VPS51: variants seen among roughly 807,000 people sequenced by gnomAD.
The protein encoded by VPS51 is vacuolar protein sorting-associated protein 51 homolog.
VPS51 carries 55 observed loss-of-function variants against 65.1 expected under a neutral mutation model. The observed-to-expected ratio is 0.84, with a 90% confidence interval of 0.68 to 1.06. The LOEUF is 1.06. Among genes scored for constraint, VPS51 ranks in the 50% least tolerant of loss-of-function variants. The pLI, the probability that VPS51 is intolerant of heterozygous loss-of-function variation, is 0.00. For missense variants in VPS51, 943 were observed against 1,101.6 expected, an observed-to-expected ratio of 0.86 and a Z score of 2.04; for synonymous variants, 473 against 489.5, an observed-to-expected ratio of 0.97 and a Z score of 0.44.
rs1947847580 is a variant in VPS51, at chr11:65,107,164, C to G, written c.359-417C>G. ...GGTCTGGAAAGGAGATGAGGGTCAA[C>G]AAGAATGTATTGCCTCATCCAGGCA... On this transcript the variant is annotated intron_variant, in intron 2 of 9. Coordinates refer to ENST00000279281, the MANE Select transcript of VPS51 (RefSeq NM_013265.4). The surrounding 1 kb of genome is among the most constrained non-coding windows in gnomAD (Gnocchi z 4.0). The G allele has an allele frequency of 2.2e-6, 1 of 464,498 alleles. No individual in the cohort carries two copies. Among genetic ancestry groups the G allele is most frequent in the Non-Finnish European group, 4.3e-6 (1 of 232,936 alleles). 28.8% of individuals were successfully genotyped at this position (464,498 alleles called of 1,614,324 possible).
chr11:65,105,247 C>T (rs1947834111), intron 2 of VPS51, among the ~76,000 whole-genome samples: 1 of 152,030 alleles, frequency 6.6e-6, no homozygotes, highest in Admixed American at 6.6e-5. Context: ...AAAAATTAGC[C>T]AGGCATGGTG....
In VPS51 at chr11:65,109,307, G is replaced by T; in HGVS notation, c.1471G>T (p.Glu491Ter). The change falls in exon 6 of 10, where the codon GAG becomes TAG. Residue 491 changes from glutamate to a stop codon, truncating the protein, a stop_gained. Coordinates refer to ENST00000279281, the MANE Select transcript of VPS51 (RefSeq NM_013265.4). LOFTEE classifies it high-confidence loss of function. ...RGEFCSQGVR[E>*]GLIVGFVHSM... ...TGAGTTCTGCAGTCAGGGTGTCCGT[G>T]AGGGCCTCATCGTGGGCTTCGTCCA... is the stretch of plus-strand genomic sequence containing the variant. 1 of 1,613,130 alleles carries T rather than the reference G, an allele frequency of 6.2e-7. No homozygotes were observed. The highest frequency in any genetic ancestry group is 8.5e-7 in the Non-Finnish European group (1 of 1,179,708).
intron 7 of VPS51, 185 bp from the exon 8 acceptor site, chr11:65,110,297 T>G: frequency 9.7e-7 from 1 of 1,032,816 alleles, no homozygotes; most frequent in Non-Finnish European, 1.4e-6. Flanking sequence ...TCTTGTATCC[T>G]GCCTTTGCCC....
chr11:65,109,520 C>T (rs761319583), intron 6 of VPS51, 25 bp downstream of exon 6: 1 of 1,602,150 alleles, frequency 6.2e-7, no homozygotes, highest in East Asian at 2.2e-5. Context: ...CCTAGCCGGG[C>T]AGGGAATGGT....
At position 65,096,274 on chromosome 11, in the gene VPS51, G is replaced by T; in HGVS notation, c.24G>T (p.Gly8=). 2 of 1,518,152 alleles carry T rather than the reference G, an allele frequency of 1.3e-6. No individual in the cohort carries two copies. Among genetic ancestry groups the T allele is most frequent in the South Asian group, 2.5e-5 (2 of 81,160 alleles). The allele number at this position is 1,518,152 out of a possible 1,614,324, so 94.0% of individuals were successfully genotyped here. A position where few individuals can be genotyped will look rare whatever the true frequency, so the allele number is the denominator to read the frequency against. The change falls in exon 1 of 10, where the codon GGG becomes GGT. Residue 8 remains glycine (G), a synonymous_variant. Transcript: ENST00000279281. MAAAAAA[G]PSPGSGPGDS... ...CGATGGCGGCGGCAGCTGCCGCCGG[G>T]CCTAGCCCGGGGTCTGGACCTGGGG... is the stretch of plus-strand genomic sequence containing the variant.
chr11:65,096,810 C>T, intron 1 of VPS51, 188 bp from the exon 2 acceptor site: 1 of 842,568 alleles, frequency 1.2e-6, no homozygotes, highest in Non-Finnish European at 1.8e-6. Context: ...ACACCAAACA[C>T]GGTTGAACCT....
intron 7 of VPS51, 47 bp from the exon 8 acceptor site, chr11:65,110,435 G>T (rs1565317733): frequency 6.2e-7 from 1 of 1,613,252 alleles, no homozygotes; most frequent in East Asian, 2.2e-5. Context: ...TGGGCTGGTG[G>T]TTTCCCCTGA....
chr11:65,096,329 C>A lies in VPS51; in HGVS notation c.79C>A (p.Pro27Thr). 1 of 1,510,836 alleles carries A rather than the reference C, an allele frequency of 6.6e-7. No homozygotes were observed. The highest frequency in any genetic ancestry group is 1.4e-5 in the African/African-American group (1 of 69,732). The allele number at this position is 1,510,836 out of a possible 1,614,324, so 93.6% of individuals were successfully genotyped here. A position where few individuals can be genotyped will look rare whatever the true frequency, so the allele number is the denominator to read the frequency against. The change falls in exon 1 of 10, where the codon CCG (proline) becomes ACG (threonine). Residue 27 changes from proline to threonine, a missense_variant. Pro to Thr is a conservative substitution (Grantham distance 38). Around this residue, in one of 2 missense-constraint regions of VPS51, gnomAD observed 855 missense variants for 953.7 expected, o/e 0.90. Coordinates refer to ENST00000279281, the MANE Select transcript of VPS51 (RefSeq NM_013265.4). ...DSPEGPEGEA[P>T]ERRRKAHGML... Reference sequence around the variant, plus strand: ...CCCAGAAGGGCCCGAGGGGGAGGCTCCGGAGCGTCGGCGGAAGGCGCACGG... The same window carrying A: ...CCCAGAAGGGCCCGAGGGGGAGGCTACGGAGCGTCGGCGGAAGGCGCACGG...
intron 2 of VPS51, 90 bp downstream of exon 2, chr11:65,097,217 G>T: frequency 6.4e-7 from 1 of 1,561,952 alleles, no homozygotes; most frequent in Non-Finnish European, 8.7e-7. Flanking sequence ...TTAGAGGGGG[G>T]AGACTCAGAT....
At position 65,107,359 on chromosome 11, in the gene VPS51, G is replaced by T. The variant is rs1046408620; in HGVS notation, c.359-222G>T. On this transcript the variant is annotated intron_variant, in intron 2 of 9. Transcript: ENST00000279281. The surrounding 1 kb of genome is among the most constrained non-coding windows in gnomAD (Gnocchi z 4.0). ...CTCTCCTGGGCACCAGGGTTAGGGG[G>T]TTACGGGGAGTATGTGAGTAACGCC... is the stretch of plus-strand genomic sequence containing the variant. 2 of 636,222 alleles carry T rather than the reference G, an allele frequency of 3.1e-6. No individual in the cohort carries two copies. Among genetic ancestry groups the T allele is most frequent in the East Asian group, 2.9e-5 (1 of 34,262 alleles). The allele number at this position is 636,222 out of a possible 1,614,324, so 39.4% of individuals were successfully genotyped here.
intron 2 of VPS51, among the ~76,000 whole-genome samples, chr11:65,098,138 G>A (rs908626170): frequency 9.2e-5 from 14 of 152,116 alleles, no homozygotes; most frequent in Non-Finnish European, 7.4e-5. Flanking sequence ...CCAAGATCAC[G>A]TCACTGCACT....
rs372065991 is a variant in VPS51 at position 65,107,774 on chromosome 11, T to A, written c.506-29T>A. 89 of 1,604,190 alleles carry A rather than the reference T, an allele frequency of 5.5e-5. No homozygotes were observed. In the African/African-American group the frequency reaches 1.2e-3, roughly 21 times the overall value. Reference sequence around the variant, plus strand: ...CTGCAGTGGGCCTTTCCTGGGGCTCTGGGGCTAACGTCACCCTCCGTCCCC... The same window carrying A: ...CTGCAGTGGGCCTTTCCTGGGGCTCAGGGGCTAACGTCACCCTCCGTCCCC... On this transcript the variant is annotated intron_variant, in intron 3 of 9. Transcript: ENST00000279281. The surrounding 1 kb of genome is among the most constrained non-coding windows in gnomAD (Gnocchi z 4.0).
At chr11:65,099,796 C>T (rs1436207300) in intron 2 of VPS51, among the ~76,000 whole-genome samples, 1 of 151,758 alleles carries the variant, frequency 6.6e-6, no homozygotes, top group East Asian at 1.9e-4. Flanking sequence ...GACCTAGTCT[C>T]AAAAAATAAA....
chr11:65,109,517 G>C (rs373527162), intron 6 of VPS51, 22 bp downstream of exon 6: 33 of 1,602,372 alleles, frequency 2.1e-5, no homozygotes, highest in Non-Finnish European at 2.7e-5. Context: ...GCTCCTAGCC[G>C]GGCAGGGAAT....
chr11:65,105,548 G>A (rs922992901), intron 2 of VPS51: 3 of 152,114 alleles, frequency 2.0e-5, no homozygotes, highest in Non-Finnish European at 2.9e-5. Flanking sequence ...GACCAAATGT[G>A]TTGGGTTTCT....
At position 65,110,577 on chromosome 11, in the gene VPS51, C is replaced by T. The variant is rs1947888328; in HGVS notation, c.1974C>T (p.Gly658=). 2 of 1,613,908 alleles carry T rather than the reference C, an allele frequency of 1.2e-6. No individual in the cohort carries two copies. Among genetic ancestry groups the T allele is most frequent in the Admixed American group, 1.7e-5 (1 of 60,010 alleles). Reference sequence around the variant, plus strand: ...TGTACAGCAGCTCTCGGCAGCAGGGCCGCTACGCCCCCAGCTATACCCCCA... The same window carrying T: ...TGTACAGCAGCTCTCGGCAGCAGGGTCGCTACGCCCCCAGCTATACCCCCA... ...FSVYSSSRQQ[G]RYAPSYTPSA... Residue 658 remains glycine, a synonymous_variant, in exon 8 of 10, where the codon GGC becomes GGT. Coordinates refer to ENST00000279281, the MANE Select transcript of VPS51 (RefSeq NM_013265.4).
In VPS51 at chr11:65,101,360, G is replaced by A. The variant is rs565606916; in HGVS notation, c.358+4233G>A. ...ACATTGAGTTTCATTATGTAATAAT[G>A]CATTTACTTGTGTCAAAATTAGAAA... On this transcript the variant is annotated intron_variant, in intron 2 of 9. Coordinates refer to ENST00000279281, the MANE Select transcript of VPS51 (RefSeq NM_013265.4). Among the ~76,000 whole-genome samples the A allele has an allele frequency of 3.9e-5, 6 of 152,270 alleles. 1 individual carries two copies. In the South Asian group the frequency reaches 1.2e-3, roughly 32 times the overall value.
At chr11:65,109,675 C>T (rs1384076689) in intron 6 of VPS51, 30 bp from the exon 7 acceptor site, 4 of 1,539,800 alleles carry the variant, frequency 2.6e-6, no homozygotes, top group East Asian at 4.9e-5. Flanking sequence ...ACCATACCCA[C>T]TCCCTCTGTC....
At chr11:65,098,481 C>A (rs1947785921) in intron 2 of VPS51, among the ~76,000 whole-genome samples, 1 of 152,144 alleles carries the variant, frequency 6.6e-6, no homozygotes, top group African/African-American at 2.4e-5. Context: ...AGATGTACTA[C>A]TCAGACTTTT....
Sources: gnomAD v4.1 joint callset for allele counts (sites outside exome capture counted in the v4.1 genomes callset) on GRCh38, gnomAD v4.1.1 for gene constraint, gnomAD v4.1.1 regional missense constraint, Gnocchi (gnomAD v3.1) non-coding constraint, MANE v1.5 for transcripts, NCBI Gene and HGNC (gene_info 2026-07-23, HGNC 2026-07-21) for gene names.